The following PTPRD variants were observed in gnomAD, a reference collection of about 807,000 sequenced individuals.
The protein encoded by PTPRD is protein tyrosine phosphatase receptor type D.
A neutral mutation model predicts 214.5 loss-of-function variants in PTPRD; 34 were observed. The observed-to-expected ratio is 0.16, with a 90% CI of 0.12 to 0.21. The LOEUF is 0.21. Among genes scored for constraint, PTPRD ranks in the 10% least tolerant of loss-of-function variants. The pLI is 1.00. For missense variants in PTPRD, 2,545 were observed against 2,398.7 expected, an observed-to-expected ratio of 1.06 and a Z score of -1.27; for synonymous variants, 1,128 against 845.7, an observed-to-expected ratio of 1.33 and a Z score of -5.79.
At chr9:8,880,089 A>T (rs1445028784) in intron 11 of PTPRD, among the ~76,000 whole-genome samples, 1 of 152,210 alleles carries the variant, frequency 6.6e-6, no homozygotes, top group Non-Finnish European at 1.5e-5. Context: ...CCTTTCAAAT[A>T]ACAGCTCAGG....
At position 8,733,838 on chromosome 9, in the gene PTPRD, C is replaced by T. The variant is rs750131642; in HGVS notation, c.6G>A (p.Val2=). 6.4e-7 allele frequency: 1 copy of T among 1,551,470 alleles called. No homozygotes were observed. The highest frequency in any genetic ancestry group is 8.7e-7 in the Non-Finnish European group (1 of 1,147,180). ...GCAGCAGCAGCAGCCTGGCTACGTG[C>T]ACCATCCTGCAGCTTGGCAGCAGCG... M[V]HVARLLLLLL... is the part of the protein sequence containing the mutation. Residue 2 remains valine (V), a synonymous_variant, in exon 12 of 46, where the codon GTG becomes GTA. Transcript: ENST00000381196.
intron 35 of PTPRD, among the ~76,000 whole-genome samples, chr9:8,433,895 C>T (rs1381382225): frequency 6.6e-6 from 1 of 152,162 alleles, no homozygotes; most frequent in Admixed American, 6.5e-5. Context: ...TCCACATTCA[C>T]TCACTACTCT....
At chr9:10,491,269 T>A (rs547626927) in intron 2 of PTPRD, among the ~76,000 whole-genome samples, 2 of 152,272 alleles carry the variant, frequency 1.3e-5, no homozygotes, top group Admixed American at 6.5e-5. Context: ...AGCTTATAAT[T>A]TCTGAAATTT....
intron 5 of PTPRD, among the ~76,000 whole-genome samples, chr9:9,892,083 G>A (rs980698102): frequency 6.6e-6 from 1 of 152,018 alleles, no homozygotes. Context: ...TTCATAAAAT[G>A]AGTATTTATT....
chr9:8,466,052 G>A (rs2096538744), intron 31 of PTPRD, among the ~76,000 whole-genome samples: 1 of 151,842 alleles, frequency 6.6e-6, no homozygotes, highest in Non-Finnish European at 1.5e-5. Flanking sequence ...TATTAAATAA[G>A]TATTAACCTC....
chr9:9,930,367 G>A (rs966174760), intron 5 of PTPRD, among the ~76,000 whole-genome samples: 2 of 152,170 alleles, frequency 1.3e-5, no homozygotes, highest in Non-Finnish European at 2.9e-5. Context: ...ACAGTCTATG[G>A]GGAAGACAAG....
At chr9:8,723,796 A>C (rs185214702) in intron 12 of PTPRD, among the ~76,000 whole-genome samples, 17 of 152,310 alleles carry the variant, frequency 1.1e-4, no homozygotes, top group Admixed American at 8.5e-4. Flanking sequence ...ACACAAAAAA[A>C]CTAAGAAAAC....
At chr9:8,933,330 C>G (rs1044511108) in intron 11 of PTPRD, among the ~76,000 whole-genome samples, 4 of 72,448 alleles carry the variant, frequency 5.5e-5, no homozygotes, top group African/African-American at 1.9e-4. Flanking sequence ...TTGCCAGCCA[C>G]AACCTTGAGG....
intron 2 of PTPRD, among the ~76,000 whole-genome samples, chr9:10,569,151 C>A (rs556113462): frequency 6.6e-6 from 1 of 151,978 alleles, no homozygotes; most frequent in African/African-American, 2.4e-5. Flanking sequence ...ATTTATGCAG[C>A]CAAAAAACAC....
At chr9:8,834,914 AGT>A (rs2097380590) in intron 11 of PTPRD, among the ~76,000 whole-genome samples, 1 of 152,242 alleles carries the variant, frequency 6.6e-6, no homozygotes, top group Non-Finnish European at 1.5e-5. Context: ...CAGCTTAGTG[AGT>A]AACTCCTGGG....
chr9:8,335,234 T>C lies in PTPRD; in HGVS notation c.5380-3498A>G, dbSNP rs578044322. 3.4e-5 allele frequency among the ~76,000 whole-genome samples: 5 copies of C among 148,098 alleles called. No homozygotes were observed. In the South Asian group the frequency reaches 1.1e-3, roughly 32 times the overall value. ...GGCCAATATCCCTGATGAACATCGA[T>C]GCCAAAATCCTCAGTACTGGCAAAC... On this transcript the variant is annotated intron_variant, in intron 43 of 45. Coordinates refer to ENST00000381196, the MANE Select transcript of PTPRD (RefSeq NM_002839.4).
chr9:10,440,618 G>A (rs1175230285), intron 2 of PTPRD, among the ~76,000 whole-genome samples: 2 of 151,708 alleles, frequency 1.3e-5, no homozygotes, highest in Non-Finnish European at 3.0e-5. Flanking sequence ...CACAGCAAAA[G>A]TAAACGTGTT....
chr9:9,337,327 G>T (rs1043637167), intron 9 of PTPRD, among the ~76,000 whole-genome samples: 5 of 152,134 alleles, frequency 3.3e-5, no homozygotes, highest in Admixed American at 2.6e-4. Flanking sequence ...TTGGCAGTGT[G>T]TCCTCTCCTG....
intron 9 of PTPRD, among the ~76,000 whole-genome samples, chr9:9,386,551 G>A (rs756100313): frequency 2.2e-4 from 34 of 152,050 alleles, no homozygotes; most frequent in Non-Finnish European, 4.7e-4. Flanking sequence ...AGACTAATAT[G>A]CATTTTATAA....
chr9:9,121,356 A>G (rs552869601), intron 10 of PTPRD, among the ~76,000 whole-genome samples: 94 of 152,342 alleles, frequency 6.2e-4, no homozygotes, highest in African/African-American at 1.9e-3. Context: ...TTATTATTCG[A>G]AAAAGATACT....
chr9:8,398,997 T>G (rs1222859089), intron 36 of PTPRD, among the ~76,000 whole-genome samples: 2 of 152,116 alleles, frequency 1.3e-5, no homozygotes, highest in African/African-American at 4.8e-5. Context: ...AGGTTTATTC[T>G]TCATCACTTC....
At chr9:9,935,790 A>T (rs2089092892) in intron 5 of PTPRD, among the ~76,000 whole-genome samples, 1 of 149,556 alleles carries the variant, frequency 6.7e-6, no homozygotes, top group East Asian at 1.9e-4. Flanking sequence ...AGCCAAAAGA[A>T]CAAAGCTGGA....
At chr9:9,348,839 C>T (rs1056968973) in intron 9 of PTPRD, among the ~76,000 whole-genome samples, 5 of 152,096 alleles carry the variant, frequency 3.3e-5, no homozygotes, top group African/African-American at 2.4e-5. Context: ...AGGGTGCTCT[C>T]TTAATAAGGT....
Position 8,948,501 on chromosome 9 carries a change from ATATT to A in PTPRD, c.-104+70192_-104+70195del, listed in dbSNP as rs1424510699. 8.1e-5 allele frequency among the ~76,000 whole-genome samples: 4 copies of A among 49,334 alleles called. 1 individual carries two copies. Among genetic ancestry groups the A allele is most frequent in the Non-Finnish European group, 1.1e-4 (3 of 28,054 alleles). 32.4% of individuals were successfully genotyped at this position (49,334 alleles called of 152,430 possible). On this transcript the variant is annotated intron_variant, in intron 11 of 45. Coordinates refer to ENST00000381196, the MANE Select transcript of PTPRD (RefSeq NM_002839.4). The stretch of plus-strand genomic sequence containing the variant: ...TATATTTATATATATATTTATATAT[ATATT>A]TATATATATATATTTATATATATAT...
Sources: allele counts gnomAD v4.1 joint callset (sites outside exome capture counted in the v4.1 genomes callset), GRCh38; gene constraint gnomAD v4.1.1; transcripts MANE v1.5; gene names NCBI Gene and HGNC (gene_info 2026-07-23, HGNC 2026-07-21).